Variants in PER1 observed in about 807,000 individuals in gnomAD.
PER1 encodes period circadian regulator 1.
A neutral mutation model predicts 125.9 loss-of-function variants in PER1; 87 were observed. The ratio of observed to expected loss-of-function variants is 0.69; its 90% CI spans 0.58 to 0.83. PER1 has a LOEUF of 0.83. Among genes scored for constraint, PER1 ranks in the 40% least tolerant of loss-of-function variants. The pLI, the probability that PER1 is intolerant of heterozygous loss-of-function variation, is 0.00. For missense variants in PER1, 1,775 were observed against 1,722.8 expected, an observed-to-expected ratio of 1.03 and a Z score of -0.54; for synonymous variants, 801 against 714.7, an observed-to-expected ratio of 1.12 and a Z score of -1.93.
chr17:8,147,677 C>T lies in PER1; in HGVS notation c.1385G>A (p.Arg462His), dbSNP rs745825473. Residue 462 changes from arginine (R) to histidine (H), a missense_variant, in exon 11 of 23, where the codon CGC becomes CAC. Transcript: ENST00000317276. ...CTCGGGGGCATGGCCCACTTACGTGCGTACTTTGTGGCGGCCCAACACGAA... is the reference window on the plus strand; with the variant it reads ...CTCGGGGGCATGGCCCACTTACGTGTGTACTTTGTGGCGGCCCAACACGAA... ...VAFVLGRHKV[R>H]TAPLNEDVFT... 1.2e-5 allele frequency: 19 copies of T among 1,613,892 alleles called. No homozygotes were observed. Among genetic ancestry groups the T allele is most frequent in the Non-Finnish European group, 1.5e-5 (18 of 1,180,014 alleles).
intron 19 of PER1, 70 bp downstream of exon 19, chr17:8,143,196 G>T: frequency 8.9e-7 from 1 of 1,118,258 alleles, no homozygotes; most frequent in Non-Finnish European, 1.2e-6. Flanking sequence ...GAGACAGCAG[G>T]CAGCACAGGG....
rs372164120 is a variant in PER1, at chr17:8,148,773, G to C, written c.919C>G (p.Arg307Gly). The C allele has an allele frequency of 6.2e-7, 1 of 1,613,442 alleles. No individual in the cohort carries two copies. The highest frequency in any genetic ancestry group is 8.5e-7 in the Non-Finnish European group (1 of 1,179,754). ...GGCTGGTACCGAGGCCCTGGATCCCGGTCAGGACCTCCTCTAGCAAAGGAG... is the reference window on the plus strand; with the variant it reads ...GGCTGGTACCGAGGCCCTGGATCCCCGTCAGGACCTCCTCTAGCAAAGGAG... ...VFCRIRGGPD[R>G]DPGPRYQPFR... Residue 307 changes from arginine to glycine, a missense_variant, in exon 8 of 23, where the codon CGG becomes GGG. Arg to Gly is a moderately radical substitution (Grantham distance 125). Transcript: ENST00000317276.
Position 8,150,296 on chromosome 17 carries a change from G to A in PER1, c.297C>T (p.Ser99=), listed in dbSNP as rs762850052. Residue 99 remains serine (S), a synonymous_variant, in exon 3 of 23, where the codon TCC becomes TCT. Coordinates refer to ENST00000317276, the MANE Select transcript of PER1 (RefSeq NM_002616.3). The stretch of plus-strand genomic sequence containing the variant: ...TGTAGGCAATGGAACTGCTGGGTGG[G>A]GATGGGCTCTGAGAGTTTGTGCTAG... ...SSKSTNSQSP[S]PPSSSIAYSL... 6.4e-7 allele frequency: 1 copy of A among 1,558,342 alleles called. No individual in the cohort carries two copies. The highest frequency in any genetic ancestry group is 8.7e-7 in the Non-Finnish European group (1 of 1,148,892).
In PER1 at chr17:8,147,559, C is replaced by G; in HGVS notation, c.1408G>C (p.Val470Leu). The G allele has an allele frequency of 6.2e-7, 1 of 1,613,604 alleles. No individual in the cohort carries two copies. The highest frequency in any genetic ancestry group is 1.6e-4 in the Middle Eastern group (1 of 6,062). Residue 470 changes from valine (V) to leucine (L), a missense_variant, in exon 12 of 23, where the codon GTG becomes CTG. Physicochemically the swap from Val to Leu is conservative, Grantham distance 32 (BLOSUM62 1). Transcript: ENST00000317276. ...KVRTAPLNEDVFTPPAPSPAP... is the reference protein window; with the variant it reads ...KVRTAPLNEDLFTPPAPSPAP... ...GGGCTGGGGGCCGGGGGAGTGAACACGTCCTCATTCAGGGGGGCCCTGTAG... is the reference window on the plus strand; with the variant it reads ...GGGCTGGGGGCCGGGGGAGTGAACAGGTCCTCATTCAGGGGGGCCCTGTAG...
At chr17:8,146,232 G>T (rs1982427489) in intron 16 of PER1, 95 bp from the exon 17 acceptor site, 1 of 1,521,266 alleles carries the variant, frequency 6.6e-7, no homozygotes, top group African/African-American at 1.4e-5. Context: ...TGGTGGTAGG[G>T]AACAGAGGGA....
chr17:8,140,718 A>C lies in PER1; in HGVS notation c.*350T>G. The C allele has an allele frequency of 3.8e-6, 1 of 260,180 alleles. No homozygotes were observed. Among genetic ancestry groups the C allele is most frequent in the Non-Finnish European group, 7.5e-6 (1 of 133,394 alleles). 16.1% of individuals were successfully genotyped at this position (260,180 alleles called of 1,614,324 possible). A position where few individuals can be genotyped will look rare whatever the true frequency, so the allele number is the denominator to read the frequency against. ...TGGGAGAGAGAGCTGTCTCCCCGCA[A>C]TAAATAAGTGCAGCCCCAACCCTCA... On this transcript the variant is annotated 3_prime_UTR_variant, in exon 23 of 23. Coordinates refer to ENST00000317276, the MANE Select transcript of PER1 (RefSeq NM_002616.3).
intron 18 of PER1, chr17:8,144,176 C>T (rs1209256945): frequency 9.1e-6 from 4 of 439,682 alleles, no homozygotes; most frequent in Non-Finnish European, 1.6e-5. Flanking sequence ...AGGGTGAGTC[C>T]ATGGACACAT....
Position 8,148,790 on chromosome 17 carries a change from G to A in PER1, c.906-4C>T. On this transcript the variant is annotated splice_region_variant and splice_polypyrimidine_tract_variant and intron_variant, in intron 7 of 22. Transcript: ENST00000317276. ...TGGATCCCGGTCAGGACCTCCTCTAGCAAAGGAGAGAGGAGCATTAGGGAC... is the reference window on the plus strand; with the variant it reads ...TGGATCCCGGTCAGGACCTCCTCTAACAAAGGAGAGAGGAGCATTAGGGAC... 6.2e-7 allele frequency: 1 copy of A among 1,613,324 alleles called. No individual in the cohort carries two copies.
intron 8 of PER1, 30 bp downstream of exon 8, chr17:8,148,614 C>T (rs1448362946): frequency 1.3e-6 from 2 of 1,570,574 alleles, no homozygotes; most frequent in South Asian, 1.2e-5. Flanking sequence ...CCTCCCAGCC[C>T]CCACCAGGCC....
rs968620752 is a variant in PER1, at chr17:8,141,740, T to G, written c.3600+65A>C. 3.1e-5 allele frequency: 48 copies of G among 1,549,154 alleles called. 1 individual carries two copies. In the African/African-American group the frequency reaches 6.3e-4, roughly 20 times the overall value. ...TTCTCCCCCTTGAACTTGAGCTCAA[T>G]TCTTTTTTCTCCCCCTTGAACTTGA... On this transcript the variant is annotated intron_variant, in intron 22 of 22. Coordinates refer to ENST00000317276, the MANE Select transcript of PER1 (RefSeq NM_002616.3).
At position 8,149,275 on chromosome 17, in the gene PER1, C is replaced by T. The variant is rs372743211; in HGVS notation, c.889G>A (p.Val297Ile). 13 of 1,613,646 alleles carry T rather than the reference C, an allele frequency of 8.1e-6. No individual in the cohort carries two copies. The highest frequency in any genetic ancestry group is 4.5e-5 in the East Asian group (2 of 44,882). The change falls in exon 7 of 23, where the codon GTC becomes ATC. Residue 297 changes from valine (V) to isoleucine (I), a missense_variant. By Grantham distance (29) the Val-to-Ile change is conservative (BLOSUM62 3). Coordinates refer to ENST00000317276, the MANE Select transcript of PER1 (RefSeq NM_002616.3). ...GLRDFTQEKS[V>I]FCRIRGGPDR... ...CTCACCTACCTGATACGGCAGAAGA[C>T]GGACTTCTCCTGGGTAAAGTCCCTG...
At chr17:8,147,129 G>A (rs545191031) in intron 13 of PER1, 121 bp downstream of exon 13, 29 of 1,419,074 alleles carry the variant, frequency 2.0e-5, no homozygotes, top group African/African-American at 5.7e-5. Flanking sequence ...AGGACAAGAA[G>A]GAAAAGGCAG....
At position 8,147,795 on chromosome 17, in the gene PER1, A is replaced by G; in HGVS notation, c.1267T>C (p.Ser423Pro). 1 of 1,613,944 alleles carries G rather than the reference A, an allele frequency of 6.2e-7. No individual in the cohort carries two copies. The highest frequency in any genetic ancestry group is 8.5e-7 in the Non-Finnish European group (1 of 1,179,988). The change falls in exon 11 of 23, where the codon TCC becomes CCC. Residue 423 changes from serine to proline, a missense_variant. Physicochemically the swap from Ser to Pro is moderately conservative, Grantham distance 74 (BLOSUM62 -1). Coordinates refer to ENST00000317276, the MANE Select transcript of PER1 (RefSeq NM_002616.3). ...TTGCGGGCACAGAAGCGGATAGGGGAGTGGTCAAAGGGCTGGCCCGCCAAC... is the reference window on the plus strand; with the variant it reads ...TTGCGGGCACAGAAGCGGATAGGGGGGTGGTCAAAGGGCTGGCCCGCCAAC... ...LQLAGQPFDH[S>P]PIRFCARNGE...
At position 8,151,177 on chromosome 17, in the gene PER1, G is replaced by A. The variant is rs528884508; in HGVS notation, c.-139-332C>T. On this transcript the variant is annotated intron_variant, in intron 1 of 22. Transcript: ENST00000317276. ...ACTCTGCCTGGGCCTCCAAGGCCTC[G>A]GAGCAGGAGGTGAGCTGGTCGCCTC... Among the ~76,000 whole-genome samples, 6 of 152,328 alleles carry A rather than the reference G, an allele frequency of 3.9e-5. 1 individual carries two copies. In the South Asian group the frequency reaches 1.0e-3, roughly 26 times the overall value.
At position 8,141,053 on chromosome 17, in the gene PER1, G is replaced by C. The variant is rs184493993; in HGVS notation, c.*15C>G. On this transcript the variant is annotated 3_prime_UTR_variant, in exon 23 of 23. Transcript: ENST00000317276. ...AGCCTCTCATGGACTCCTGGAGATG[G>C]TCCCAGAATGGAGTCTAGCTGGTGC... 3.7e-6 allele frequency: 6 copies of C among 1,602,498 alleles called. No individual in the cohort carries two copies. The African/African-American group carries it at 8.0e-5, about 21-fold the overall frequency.
rs1017670692 is a variant in PER1 at position 8,146,714 on chromosome 17, T to A, written c.1787A>T (p.Glu596Val). The A allele has an allele frequency of 1.9e-6, 3 of 1,613,690 alleles. No individual in the cohort carries two copies. The highest frequency in any genetic ancestry group is 2.5e-6 in the Non-Finnish European group (3 of 1,179,966). ...GACGGGAGCAGAACCCGCCTCCAGC[T>A]CTGGGTCTGGGGATTGGCAGGGAAG... ...KALPCQSPDP[E>V]LEAGSAPVQA... Residue 596 changes from glutamate (E) to valine (V), a missense_variant, in exon 15 of 23, where the codon GAG becomes GTG. Coordinates refer to ENST00000317276, the MANE Select transcript of PER1 (RefSeq NM_002616.3).
chr17:8,149,481 C>A lies in PER1; in HGVS notation c.834G>T (p.Trp278Cys). The A allele has an allele frequency of 6.2e-7, 1 of 1,613,448 alleles. No homozygotes were observed. The highest frequency in any genetic ancestry group is 8.5e-7 in the Non-Finnish European group (1 of 1,179,604). ...GSTAPSRLPT[W>C]GTGASAGSGL... ...CCTCACCTGCTGAGGCCCCTGTGCC[C>A]CAGGTGGGCAGGCGAGATGGAGCAG... The change falls in exon 6 of 23, where the codon TGG becomes TGT. Residue 278 changes from tryptophan (W) to cysteine (C), a missense_variant. Coordinates refer to ENST00000317276, the MANE Select transcript of PER1 (RefSeq NM_002616.3).
chr17:8,145,931 C>A, intron 17 of PER1, 27 bp downstream of exon 17: 1 of 1,566,558 alleles, frequency 6.4e-7, no homozygotes, highest in South Asian at 1.2e-5. Context: ...GGAGCCCAAG[C>A]ACTGCCCCCC....
At chr17:8,149,181 T>A in intron 7 of PER1, 78 bp downstream of exon 7, 1 of 1,307,330 alleles carries the variant, frequency 7.6e-7, no homozygotes, top group South Asian at 1.2e-5. Flanking sequence ...AGAGTGAGAC[T>A]CCCTTTCAAA....
Sources: gnomAD v4.1 joint callset for allele counts (sites outside exome capture counted in the v4.1 genomes callset) on GRCh38, gnomAD v4.1.1 for gene constraint, MANE v1.5 for transcripts, NCBI Gene and HGNC (gene_info 2026-07-23, HGNC 2026-07-21) for gene names.